NCAM2: variants seen among roughly 807,000 people sequenced by gnomAD.
NCAM2 encodes the protein N-CAM-2.
A neutral mutation model predicts 98.1 loss-of-function variants in NCAM2; 30 were observed. That is an observed-to-expected ratio of 0.31 (90% CI 0.23 to 0.41). The LOEUF is 0.41. Among genes scored for constraint, NCAM2 ranks in the 10% least tolerant of loss-of-function variants. NCAM2 has a pLI of 1.00. For missense variants in NCAM2, 867 were observed against 1,005.8 expected (o/e 0.86, Z 1.87); for synonymous variants, 368 against 342.4 (o/e 1.07, Z -0.83).
At chr21:21,123,865 T>TTTTTTTTG (rs1601429348) in intron 1 of NCAM2, among the ~76,000 whole-genome samples, 1 of 146,840 alleles carries the variant, frequency 6.8e-6, no homozygotes, top group African/African-American at 2.5e-5. Flanking sequence ...TTTTTTTTTT[T>TTTTTTTTG]GAGACGGAGT....
At chr21:21,524,292 T>G (rs922992911) in intron 16 of NCAM2, among the ~76,000 whole-genome samples, 1 of 152,028 alleles carries the variant, frequency 6.6e-6, no homozygotes, top group African/African-American at 2.4e-5. Context: ...ATCTTTAACA[T>G]GTATATGTTT....
chr21:21,425,473 G>A (rs560211275), intron 11 of NCAM2, among the ~76,000 whole-genome samples: 1 of 152,132 alleles, frequency 6.6e-6, no homozygotes, highest in East Asian at 1.9e-4. Flanking sequence ...AGTGAATCTG[G>A]GTGTCCGTGA....
intron 5 of NCAM2, among the ~76,000 whole-genome samples, chr21:21,299,465 C>G (rs934666192): frequency 2.0e-5 from 3 of 151,804 alleles, no homozygotes; most frequent in Non-Finnish European, 4.4e-5. Context: ...GTTCCATGTG[C>G]TACATCATCT....
At chr21:21,424,002 T>C (rs1026569888) in intron 11 of NCAM2, among the ~76,000 whole-genome samples, 1 of 152,188 alleles carries the variant, frequency 6.6e-6, no homozygotes, top group African/African-American at 2.4e-5. Context: ...CTTTGCTCCA[T>C]AACACTTGAA....
intron 1 of NCAM2, among the ~76,000 whole-genome samples, chr21:21,064,210 A>G (rs2065384734): frequency 6.6e-6 from 1 of 152,184 alleles, no homozygotes; most frequent in African/African-American, 2.4e-5. Context: ...CATGCCAGCC[A>G]CTGAGGGCGT....
At chr21:21,505,601 A>T (rs1390487130) in intron 15 of NCAM2, among the ~76,000 whole-genome samples, 1 of 152,088 alleles carries the variant, frequency 6.6e-6, no homozygotes, top group African/African-American at 2.4e-5. Context: ...AATTATTAAA[A>T]AAAAACTTAC....
intron 12 of NCAM2, among the ~76,000 whole-genome samples, chr21:21,436,802 T>C (rs1307051326): frequency 6.6e-6 from 1 of 151,376 alleles, no homozygotes; most frequent in Non-Finnish European, 1.5e-5. Context: ...CTTGCTCTTG[T>C]CCAGGCTAGA....
intron 16 of NCAM2, among the ~76,000 whole-genome samples, chr21:21,513,565 T>C (rs1988524583): frequency 6.6e-6 from 1 of 152,158 alleles, no homozygotes; most frequent in Admixed American, 6.6e-5. Context: ...ATATGCTTGA[T>C]ATGATTTCAA....
intron 1 of NCAM2, among the ~76,000 whole-genome samples, chr21:21,227,804 T>G (rs1003664308): frequency 1.2e-4 from 18 of 151,880 alleles, no homozygotes; most frequent in Non-Finnish European, 2.7e-4. Context: ...TGTCTCAGCC[T>G]ACAAGTTAGA....
In NCAM2 at chr21:21,539,475, GTC is replaced by G. The variant is rs1287256613; in HGVS notation, c.*1524_*1525del. The G allele has an allele frequency of 1.3e-5, 2 of 152,124 alleles. No individual in the cohort carries two copies. The highest frequency in any genetic ancestry group is 1.9e-4 in the East Asian group (1 of 5,188). 9.4% of individuals were successfully genotyped at this position (152,124 alleles called of 1,614,324 possible). On this transcript the variant is annotated 3_prime_UTR_variant, in exon 18 of 18. Coordinates refer to ENST00000400546, the MANE Select transcript of NCAM2 (RefSeq NM_004540.5). ...CATTGCAGAAACCTGCTCTGGGTGTGTCTCTCTGTAGAGATAACCTGATGATT... is the reference window on the plus strand; with the variant it reads ...CATTGCAGAAACCTGCTCTGGGTGTGTCTCTGTAGAGATAACCTGATGATT...
chr21:21,485,835 T>A (rs1986301962), intron 15 of NCAM2, among the ~76,000 whole-genome samples: 1 of 152,172 alleles, frequency 6.6e-6, no homozygotes, highest in South Asian at 2.1e-4. Flanking sequence ...ATTTTTCGTG[T>A]CTCTTTTTAA....
At chr21:21,369,859 CT>C (rs200157076) in intron 8 of NCAM2, among the ~76,000 whole-genome samples, 7 of 150,754 alleles carry the variant, frequency 4.6e-5, no homozygotes, top group Non-Finnish European at 7.4e-5. Flanking sequence ...TTCAACACAG[CT>C]TTTTTTTTCC....
intron 1 of NCAM2, among the ~76,000 whole-genome samples, chr21:21,039,213 G>C (rs4818595): frequency 0.94 from 143,205 of 152,172 alleles, 67,993 homozygotes; most frequent in East Asian, 1. Flanking sequence ...CCCTCCCAGC[G>C]TCTAGTACCT....
intron 1 of NCAM2, among the ~76,000 whole-genome samples, chr21:21,265,198 ATGTATGTGTG>A (rs1568856227): frequency 8.1e-6 from 1 of 123,604 alleles, no homozygotes; most frequent in African/African-American, 3.0e-5. Context: ...ATATGTGTGT[ATGTATGTGTG>A]TATATAGTAT....
At chr21:21,488,282 A>AT (rs35255018) in intron 15 of NCAM2, among the ~76,000 whole-genome samples, 117,535 of 151,848 alleles carry the variant, frequency 0.77, 46,270 homozygotes, top group African/African-American at 0.87. Context: ...AACCATTATA[A>AT]TTAATTATAA....
At chr21:21,136,640 T>TGTTTTTG (rs1555889527) in intron 1 of NCAM2, among the ~76,000 whole-genome samples, 197 of 147,944 alleles carry the variant, frequency 1.3e-3, no homozygotes, top group African/African-American at 2.7e-3. Flanking sequence ...GTTTTTTTTT[T>TGTTTTTG]TATTTTTAGT....
Position 21,075,728 on chromosome 21 carries a change from G to C in NCAM2, c.55+77110G>C, listed in dbSNP as rs2065667315. The stretch of plus-strand genomic sequence containing the variant: ...ATAAATGGGTATTGAATTTTATCAA[G>C]TACATTTATTTCCTGGGTATGTCGA... On this transcript the variant is annotated intron_variant, in intron 1 of 17. Transcript: ENST00000400546. Among the ~76,000 whole-genome samples, 6 of 151,998 alleles carry C rather than the reference G, an allele frequency of 3.9e-5. No individual in the cohort carries two copies. In the South Asian group the frequency reaches 1.2e-3, roughly 32 times the overall value.
intron 1 of NCAM2, among the ~76,000 whole-genome samples, chr21:21,253,782 C>T (rs771063240): frequency 5.3e-5 from 8 of 152,070 alleles, no homozygotes; most frequent in South Asian, 4.2e-4. Context: ...AAAATGCTTA[C>T]GCTATGAACT....
At chr21:21,336,863 T>C (rs2074886268) in intron 7 of NCAM2, among the ~76,000 whole-genome samples, 1 of 152,142 alleles carries the variant, frequency 6.6e-6, no homozygotes, top group Non-Finnish European at 1.5e-5. Flanking sequence ...GAAGTATTGT[T>C]TTGGATAGCA....
Sources: allele counts gnomAD v4.1 joint callset (sites outside exome capture counted in the v4.1 genomes callset), GRCh38; gene constraint gnomAD v4.1.1; transcripts MANE v1.5; gene names NCBI Gene and HGNC (gene_info 2026-07-23, HGNC 2026-07-21).